AFF3: variants seen among roughly 807,000 people sequenced by gnomAD.
AFF3 encodes ALF transcription elongation factor 3, also known as AF4/FMR2 family member 3.
Under a neutral mutation model 129.7 loss-of-function variants are expected in AFF3, and 32 were observed. The ratio of observed to expected loss-of-function variants is 0.25; its 90% CI spans 0.19 to 0.33. AFF3 has a LOEUF of 0.33. Ranked by LOEUF, AFF3 falls within the 10% of genes least tolerant of loss-of-function variation. The pLI, the probability that AFF3 is intolerant of heterozygous loss-of-function variation, is 1.00. For missense variants in AFF3, 1,373 were observed against 1,592.0 expected (o/e 0.86, Z 2.34); for synonymous variants, 644 against 635.4 (o/e 1.01, Z -0.20).
chr2:99,831,388 T>C (rs962454667), intron 8 of AFF3, among the ~76,000 whole-genome samples: 1 of 152,234 alleles, frequency 6.6e-6, no homozygotes, highest in African/African-American at 2.4e-5. Context: ...TAAAATTGCA[T>C]TGGTTCTCTT....
chr2:99,763,522 G>A lies in AFF3; in HGVS notation c.922-11221C>T, dbSNP rs575162080. Among the ~76,000 whole-genome samples the A allele has an allele frequency of 1.6e-4, 24 of 152,060 alleles. No homozygotes were observed. The Middle Eastern group carries it at 0.01, about 65-fold the overall frequency. ...ATGATTGCACCACTGCACTCCAGCC[G>A]GGGTGACAGAGGGAGACCCTGTCTT... is the stretch of plus-strand genomic sequence containing the variant. On this transcript the variant is annotated intron_variant, in intron 8 of 24. Coordinates refer to ENST00000672756, the MANE Select transcript of AFF3 (RefSeq NM_001386135.1).
At chr2:99,998,226 C>T (rs1681036149) in intron 7 of AFF3, among the ~76,000 whole-genome samples, 1 of 152,134 alleles carries the variant, frequency 6.6e-6, no homozygotes, top group Non-Finnish European at 1.5e-5. Context: ...ATTAAGAAAT[C>T]CCAGGGGCAT....
rs765385400 is a variant in AFF3, at chr2:99,763,536, AGACCCT to A, written c.922-11241_922-11236del. Among the ~76,000 whole-genome samples, 8 of 150,560 alleles carry A rather than the reference AGACCCT, an allele frequency of 5.3e-5. 1 individual carries two copies. The highest frequency in any genetic ancestry group is 1.2e-4 in the Non-Finnish European group (8 of 67,962). On this transcript the variant is annotated intron_variant, in intron 8 of 24. Coordinates refer to ENST00000672756, the MANE Select transcript of AFF3 (RefSeq NM_001386135.1). ...GCACTCCAGCCGGGGTGACAGAGGG[AGACCCT>A]GTCTTTAATCACAACAACAACAACA...
At chr2:99,848,406 G>A (rs75738802) in intron 7 of AFF3, among the ~76,000 whole-genome samples, 1,770 of 152,146 alleles carry the variant, frequency 0.012, 28 homozygotes, top group African/African-American at 0.041. Context: ...TATGAGATCC[G>A]CCACGTACAG....
Position 99,777,855 on chromosome 2 carries a change from G to A in AFF3, c.922-25554C>T, listed in dbSNP as rs1684036787. The stretch of plus-strand genomic sequence containing the variant: ...GTCCCACAGAGCAGATGCGCCACAG[G>A]CTGTGTCCTGTACACCCTGGCCCTG... On this transcript the variant is annotated intron_variant, in intron 8 of 24. Transcript: ENST00000672756. Among the ~76,000 whole-genome samples the A allele has an allele frequency of 2.0e-5, 3 of 148,256 alleles. No homozygotes were observed. In the South Asian group the frequency reaches 6.4e-4, roughly 31 times the overall value.
At chr2:99,977,640 C>T (rs959270455) in intron 7 of AFF3, among the ~76,000 whole-genome samples, 1 of 152,176 alleles carries the variant, frequency 6.6e-6, no homozygotes, top group Non-Finnish European at 1.5e-5. Flanking sequence ...GCTGGACAAC[C>T]TTGTCCCAAC....
chr2:99,639,890 A>C (rs1028846752), intron 13 of AFF3, among the ~76,000 whole-genome samples: 2 of 151,830 alleles, frequency 1.3e-5, no homozygotes, highest in African/African-American at 4.8e-5. Context: ...GTAGGGTTTC[A>C]CCATGTTGGC....
chr2:99,632,359 G>A (rs72817037), intron 13 of AFF3, among the ~76,000 whole-genome samples: 4,074 of 152,242 alleles, frequency 0.027, 240 homozygotes, highest in Admixed American at 0.13. Context: ...CCTAATGGGT[G>A]TGATAAGGGG....
chr2:99,705,449 T>A (rs1423502237), intron 11 of AFF3, among the ~76,000 whole-genome samples: 46 of 151,982 alleles, frequency 3.0e-4, no homozygotes, highest in Admixed American at 2.9e-3. Flanking sequence ...AGGCATTTCT[T>A]CCTGAAATGG....
chr2:99,725,025 C>T (rs988625235), intron 11 of AFF3, among the ~76,000 whole-genome samples: 3 of 151,962 alleles, frequency 2.0e-5, no homozygotes, highest in African/African-American at 7.2e-5. Flanking sequence ...GGCTGGAGTG[C>T]AGTGGTGCGA....
intron 8 of AFF3, among the ~76,000 whole-genome samples, chr2:99,774,058 A>G (rs1683699071): frequency 6.6e-6 from 1 of 152,222 alleles, no homozygotes; most frequent in Non-Finnish European, 1.5e-5. Flanking sequence ...AAGAAGAACT[A>G]CAAACCACTG....
chr2:99,849,588 T>C (rs1689993619), intron 7 of AFF3, among the ~76,000 whole-genome samples: 1 of 152,148 alleles, frequency 6.6e-6, no homozygotes, highest in South Asian at 2.1e-4. Flanking sequence ...GCAACGCATA[T>C]AAAGCATTTA....
intron 4 of AFF3, among the ~76,000 whole-genome samples, chr2:100,014,806 C>A (rs563241540): frequency 2.0e-5 from 2 of 101,802 alleles, no homozygotes; most frequent in Non-Finnish European, 4.2e-5. Flanking sequence ...TTTTTTTAGA[C>A]GGAGTCTCAC....
At chr2:99,795,698 T>C (rs967200789) in intron 8 of AFF3, among the ~76,000 whole-genome samples, 4 of 151,806 alleles carry the variant, frequency 2.6e-5, no homozygotes, top group African/African-American at 7.3e-5. Context: ...TTAGCTTGAA[T>C]GCCTCTACAG....
Position 99,862,865 on chromosome 2 carries a change from G to A in AFF3, c.874-25341C>T, listed in dbSNP as rs183755986. ...CCTCTTTTATTAAGTAGTTACAATG[G>A]CAATTAAAAAGACCCCTTTGGTCAT... On this transcript the variant is annotated intron_variant, in intron 7 of 24. Transcript: ENST00000672756. Among the ~76,000 whole-genome samples, 300 of 152,238 alleles carry A rather than the reference G, an allele frequency of 2.0e-3. 2 individuals carry two copies. Among genetic ancestry groups the A allele is most frequent in the Non-Finnish European group, 2.8e-3 (188 of 68,010 alleles).
intron 11 of AFF3, among the ~76,000 whole-genome samples, chr2:99,679,983 G>A (rs1674371480): frequency 6.6e-6 from 1 of 152,212 alleles, no homozygotes; most frequent in South Asian, 2.1e-4. Context: ...CTTTTCAAGT[G>A]TCTCACTGTT....
At chr2:99,728,069 G>C (rs1244606422) in intron 10 of AFF3, among the ~76,000 whole-genome samples, 1 of 152,214 alleles carries the variant, frequency 6.6e-6, no homozygotes, top group Admixed American at 6.5e-5. Flanking sequence ...GAATTAACGA[G>C]TTGTACGTAG....
At position 99,547,143 on chromosome 2, in the gene AFF3, A is replaced by C. The variant is rs1674100228; in HGVS notation, c.*4331T>G. 3 of 218,944 alleles carry C rather than the reference A, an allele frequency of 1.4e-5. No individual in the cohort carries two copies. Among genetic ancestry groups the C allele is most frequent in the Middle Eastern group, 1.4e-3 (1 of 698 alleles). 13.6% of individuals were successfully genotyped at this position (218,944 alleles called of 1,614,324 possible). On this transcript the variant is annotated 3_prime_UTR_variant, in exon 25 of 25. Transcript: ENST00000672756. Reference sequence around the variant, plus strand: ...AAAAAGATTGCTTTTCGAGATTATAAACTGGGAGCCAGAACAACTGACTTG... The same window carrying C: ...AAAAAGATTGCTTTTCGAGATTATACACTGGGAGCCAGAACAACTGACTTG...
intron 7 of AFF3, among the ~76,000 whole-genome samples, chr2:99,859,691 A>T (rs1406787194): frequency 1.3e-5 from 2 of 152,178 alleles, no homozygotes; most frequent in African/African-American, 2.4e-5. Context: ...TCAATTTTTT[A>T]AAAAAGTACT....
Sources: gnomAD v4.1 joint callset for allele counts (sites outside exome capture counted in the v4.1 genomes callset) on GRCh38, gnomAD v4.1.1 for gene constraint, MANE v1.5 for transcripts, NCBI Gene and HGNC (gene_info 2026-07-23, HGNC 2026-07-21) for gene names.